The following ASB4 variants were observed in gnomAD, a reference collection of about 807,000 sequenced individuals.
The protein encoded by ASB4 is ankyrin repeat and SOCS box protein 4.
Under a neutral mutation model 38.6 loss-of-function variants are expected in ASB4, and 35 were observed. The observed-to-expected ratio is 0.91, with a 90% CI of 0.69 to 1.20. The LOEUF is 1.20. Among genes scored for constraint, ASB4 ranks in the 50% most tolerant of loss-of-function variants. The pLI, the probability that ASB4 is intolerant of heterozygous loss-of-function variation, is 0.00. For synonymous variants in ASB4, 195 were observed against 201.3 expected (o/e 0.97, Z 0.26); for missense variants, 557 against 527.2 (o/e 1.06, Z -0.55).
At chr7:95,513,264 T>TG (rs1370641934) in intron 2 of ASB4, among the ~76,000 whole-genome samples, 5 of 141,538 alleles carry the variant, frequency 3.5e-5, no homozygotes, top group African/African-American at 5.4e-5. Context: ...TTTTTTTTTT[T>TG]TTTTTTTTTT....
At chr7:95,549,169 G>A in the ASB4 span, among the ~76,000 whole-genome samples, 1 of 152,034 alleles carries the variant, frequency 6.6e-6, no homozygotes, top group African/African-American at 2.4e-5. Flanking sequence ...GGGAGGATGG[G>A]GATATAGAAA....
intron 2 of ASB4, among the ~76,000 whole-genome samples, chr7:95,500,181 A>G (rs1790314657): frequency 6.6e-6 from 1 of 152,152 alleles, no homozygotes; most frequent in African/African-American, 2.4e-5. Flanking sequence ...AGACATTTTC[A>G]TAAGAATGGA....
intron 3 of ASB4, among the ~76,000 whole-genome samples, chr7:95,529,542 T>C (rs62467696): frequency 0.093 from 14,178 of 152,234 alleles, 714 homozygotes; most frequent in South Asian, 0.11. Context: ...CCAGAGAACT[T>C]TCAAATGAAG....
upstream of ASB4, among the ~76,000 whole-genome samples, chr7:95,474,644 C>T (rs77703412): frequency 0.018 from 2,766 of 152,214 alleles, 90 homozygotes; most frequent in African/African-American, 0.062. Flanking sequence ...ACCTCAGCCT[C>T]GTGAGTAGCT....
intron 2 of ASB4, among the ~76,000 whole-genome samples, chr7:95,498,677 GAGA>G (rs1387433344): frequency 6.6e-6 from 1 of 152,146 alleles, no homozygotes; most frequent in African/African-American, 2.4e-5. Flanking sequence ...ATCTTTCAAA[GAGA>G]AGAAGTATTT....
chr7:95,529,301 TTTAA>T (rs778625239), intron 3 of ASB4, among the ~76,000 whole-genome samples: 20 of 152,176 alleles, frequency 1.3e-4, no homozygotes, highest in Non-Finnish European at 2.8e-4. Flanking sequence ...GCTCTAAAAA[TTTAA>T]TTAACAACAA....
chr7:95,535,595 G>A (rs3757703), intron 3 of ASB4, among the ~76,000 whole-genome samples: 42,251 of 152,082 alleles, frequency 0.28, 7,084 homozygotes, highest in East Asian at 0.69. Context: ...AGTTGGTTAA[G>A]TGTATAAACA....
intron 1 of ASB4, among the ~76,000 whole-genome samples, chr7:95,491,340 G>A (rs1036766806): frequency 1.3e-5 from 2 of 152,118 alleles, no homozygotes; most frequent in South Asian, 4.2e-4. Context: ...ATGGGGTAGC[G>A]TGTGAGTGGT....
chr7:95,499,733 C>A (rs1370983817), intron 2 of ASB4, among the ~76,000 whole-genome samples: 1 of 151,680 alleles, frequency 6.6e-6, no homozygotes, highest in African/African-American at 2.4e-5. Flanking sequence ...AGTTGGAGAT[C>A]AAAGAAAAAG....
intron 2 of ASB4, among the ~76,000 whole-genome samples, chr7:95,503,824 C>T (rs961306976): frequency 6.6e-6 from 1 of 152,132 alleles, no homozygotes; most frequent in Non-Finnish European, 1.5e-5. Flanking sequence ...TGGAAAAGTG[C>T]TCTTTGTGGA....
Position 95,540,120 on chromosome 7 carries a change from T to C in ASB4, c.*2361T>C, listed in dbSNP as rs988085974. 6.6e-6 allele frequency: 1 copy of C among 152,212 alleles called. No homozygotes were observed. Among genetic ancestry groups the C allele is most frequent in the Non-Finnish European group, 1.5e-5 (1 of 68,048 alleles). The allele number at this position is 152,212 out of a possible 1,614,324, so 9.4% of individuals were successfully genotyped here. Reference sequence around the variant, plus strand: ...CTTAAACACTTATGTTCATCTAGTGTAGAATACATGGCTACTTGTTTGTAA... The same window carrying C: ...CTTAAACACTTATGTTCATCTAGTGCAGAATACATGGCTACTTGTTTGTAA... On this transcript the variant is annotated 3_prime_UTR_variant, in exon 5 of 5. Coordinates refer to ENST00000325885, the MANE Select transcript of ASB4 (RefSeq NM_016116.3).
chr7:95,475,284 T>A (rs751030770), upstream of ASB4, among the ~76,000 whole-genome samples: 1 of 152,200 alleles, frequency 6.6e-6, no homozygotes, highest in African/African-American at 2.4e-5. Context: ...TTTCCTTACA[T>A]AGTCCCTCCC....
chr7:95,484,684 C>T (rs1003911981), upstream of ASB4, among the ~76,000 whole-genome samples: 1 of 151,996 alleles, frequency 6.6e-6, no homozygotes, highest in African/African-American at 2.4e-5. Flanking sequence ...AGAAAGTTTG[C>T]ACCAGTTTTG....
intron 2 of ASB4, among the ~76,000 whole-genome samples, chr7:95,496,682 A>G (rs943751861): frequency 1.3e-5 from 2 of 152,020 alleles, no homozygotes; most frequent in African/African-American, 4.8e-5. Flanking sequence ...CCCCATCTCT[A>G]CAAAAAGCAA....
intron 1 of ASB4, among the ~76,000 whole-genome samples, chr7:95,491,088 GAC>G (rs1414194024): frequency 1.3e-5 from 2 of 152,184 alleles, no homozygotes; most frequent in African/African-American, 4.8e-5. Context: ...TGGAAGCTTT[GAC>G]AAGACCCTCT....
At chr7:95,505,884 T>C (rs984500927) in intron 2 of ASB4, among the ~76,000 whole-genome samples, 1 of 152,088 alleles carries the variant, frequency 6.6e-6, no homozygotes, top group African/African-American at 2.4e-5. Context: ...GCCAATATTT[T>C]TATTTTATTT....
At chr7:95,510,109 T>A (rs1383816824) in intron 2 of ASB4, among the ~76,000 whole-genome samples, 1 of 151,674 alleles carries the variant, frequency 6.6e-6, no homozygotes, top group Non-Finnish European at 1.5e-5. Context: ...ATCCTAAGAT[T>A]TTTTAAAGGC....
At chr7:95,509,960 A>G (rs917407599) in intron 2 of ASB4, among the ~76,000 whole-genome samples, 1 of 152,168 alleles carries the variant, frequency 6.6e-6, no homozygotes, top group African/African-American at 2.4e-5. Context: ...GTCTTGCTGG[A>G]AATTGAATAA....
the ASB4 span, among the ~76,000 whole-genome samples, chr7:95,549,720 C>G: frequency 6.6e-6 from 1 of 152,174 alleles, no homozygotes. Context: ...TAGACTCTGA[C>G]AGGTGGACCT....
Sources: gnomAD v4.1 joint callset for allele counts (sites outside exome capture counted in the v4.1 genomes callset) on GRCh38, gnomAD v4.1.1 for gene constraint, MANE v1.5 for transcripts, NCBI Gene and HGNC (gene_info 2026-07-23, HGNC 2026-07-21) for gene names.